Variants in ADISSP observed in about 807,000 individuals in gnomAD.
The protein encoded by ADISSP is adipose secreted signaling protein.
the ADISSP span, among the ~76,000 whole-genome samples, chr20:3,756,984 C>T: frequency 1.3e-5 from 2 of 151,810 alleles, no homozygotes; most frequent in Middle Eastern, 3.2e-3. Context: ...GGAAACAAAG[C>T]TTTTTAAAAT....
chr20:3,760,558 T>C, the ADISSP span, among the ~76,000 whole-genome samples: 4 of 136,554 alleles, frequency 2.9e-5, no homozygotes, highest in Non-Finnish European at 6.9e-5. Flanking sequence ...CTGGTGCTGC[T>C]GACCCCAAAG....
chr20:3,768,094 G>A, the ADISSP span: 1 of 152,290 alleles, frequency 6.6e-6, no homozygotes, highest in African/African-American at 2.4e-5. Context: ...ACCTTGCTTA[G>A]GACGCACCTC....
chr20:3,754,403 C>T, the ADISSP span: 10 of 1,612,960 alleles, frequency 6.2e-6, no homozygotes, highest in Middle Eastern at 1.6e-4. Flanking sequence ...TCACCCATGA[C>T]GCGGGCCTGC....
At chr20:3,759,331 G>A in the ADISSP span, among the ~76,000 whole-genome samples, 1 of 152,206 alleles carries the variant, frequency 6.6e-6, no homozygotes. The surrounding 1 kb of genome is among the most constrained non-coding windows in gnomAD (Gnocchi z 4.6). Context: ...TCCTTCCTCT[G>A]TCTAGCCCAC....
the ADISSP span, chr20:3,759,952 A>G: frequency 1.4e-6 from 2 of 1,436,684 alleles, no homozygotes; most frequent in African/African-American, 3.2e-5. This position sits in a 1 kb window ranked among gnomAD's most constrained non-coding sequence, Gnocchi z 4.6. Flanking sequence ...TTCGCACACC[A>G]GCACACACGC....
the ADISSP span, among the ~76,000 whole-genome samples, chr20:3,757,620 C>T: frequency 6.6e-6 from 1 of 151,888 alleles, no homozygotes; most frequent in Non-Finnish European, 1.5e-5. Flanking sequence ...AAACCTGGGC[C>T]CCCCAGGTTC....
the ADISSP span, among the ~76,000 whole-genome samples, chr20:3,760,893 A>G: frequency 3.3e-5 from 5 of 152,234 alleles, no homozygotes; most frequent in Non-Finnish European, 7.3e-5. Flanking sequence ...CCATCTGAGC[A>G]TCAAAAAGAA....
At chr20:3,759,597 G>A in the ADISSP span, among the ~76,000 whole-genome samples, 1 of 152,092 alleles carries the variant, frequency 6.6e-6, no homozygotes, top group Non-Finnish European at 1.5e-5. This position sits in a 1 kb window ranked among gnomAD's most constrained non-coding sequence, Gnocchi z 4.6. Flanking sequence ...TGGATACTCG[G>A]AGGCCCAGGG....
the ADISSP span, chr20:3,758,713 C>T: frequency 6.2e-7 from 1 of 1,610,176 alleles, no homozygotes; most frequent in Non-Finnish European, 8.5e-7. This position sits in a 1 kb window ranked among gnomAD's most constrained non-coding sequence, Gnocchi z 5.5. Context: ...GAGGGCTTTC[C>T]CTGTCCCCAG....
At chr20:3,758,740 G>A in the ADISSP span, 1 of 1,533,100 alleles carries the variant, frequency 6.5e-7, no homozygotes, top group Non-Finnish European at 8.9e-7. The surrounding 1 kb of genome is among the most constrained non-coding windows in gnomAD (Gnocchi z 5.5). Flanking sequence ...CCTCCCCCTT[G>A]TCCCCTCGTC....
chr20:3,763,349 G>A, the ADISSP span, among the ~76,000 whole-genome samples: 2 of 151,898 alleles, frequency 1.3e-5, no homozygotes, highest in Non-Finnish European at 2.9e-5. Flanking sequence ...CCTGAGGTCG[G>A]GAGTTCAAGA....
chr20:3,758,454 G>A, the ADISSP span: 1,090 of 1,349,682 alleles, frequency 8.1e-4, 7 homozygotes, highest in African/African-American at 0.013. The surrounding 1 kb of genome is among the most constrained non-coding windows in gnomAD (Gnocchi z 5.5). Flanking sequence ...AAGCCCGGCT[G>A]AGAGGAACGG....
At chr20:3,759,994 G>T in the ADISSP span, 18 of 1,601,464 alleles carry the variant, frequency 1.1e-5, no homozygotes, top group South Asian at 6.6e-5. The surrounding 1 kb of genome is among the most constrained non-coding windows in gnomAD (Gnocchi z 4.6). Context: ...CACACAGGTG[G>T]TGCGGGCCCT....
the ADISSP span, chr20:3,753,961 C>T: frequency 3.0e-5 from 28 of 933,714 alleles, no homozygotes; most frequent in South Asian, 1.1e-4. Flanking sequence ...ACACCCACCC[C>T]AGAGAGGGGC....
the ADISSP span, chr20:3,754,055 G>A: frequency 6.2e-7 from 1 of 1,609,320 alleles, no homozygotes; most frequent in Admixed American, 1.7e-5. Context: ...GGGGCCTCGG[G>A]CCTCAGTCAA....
chr20:3,755,345 G>C, the ADISSP span: 1 of 858,634 alleles, frequency 1.2e-6, no homozygotes, highest in Non-Finnish European at 1.9e-6. Flanking sequence ...CACAGTGCAA[G>C]CTCACAAAGA....
the ADISSP span, among the ~76,000 whole-genome samples, chr20:3,757,731 C>G: frequency 2.0e-5 from 3 of 152,290 alleles, no homozygotes; most frequent in East Asian, 3.9e-4. Flanking sequence ...TGGGTTCAAG[C>G]AATTCTTCTG....
At chr20:3,757,706 G>A in the ADISSP span, among the ~76,000 whole-genome samples, 1 of 152,110 alleles carries the variant, frequency 6.6e-6, no homozygotes, top group Non-Finnish European at 1.5e-5. Context: ...TCAGCTCACT[G>A]CAACCTCAGC....
At chr20:3,756,404 A>G in the ADISSP span, among the ~76,000 whole-genome samples, 1 of 152,202 alleles carries the variant, frequency 6.6e-6, no homozygotes, top group African/African-American at 2.4e-5. Context: ...GAAGGGTCAC[A>G]AGCCAGGGTG....
Sources: gnomAD v4.1 joint callset for allele counts (sites outside exome capture counted in the v4.1 genomes callset) on GRCh38, gnomAD v4.1.1 for gene constraint, Gnocchi (gnomAD v3.1) non-coding constraint, MANE v1.5 for transcripts, NCBI Gene and HGNC (gene_info 2026-07-23, HGNC 2026-07-21) for gene names.